AGBL4: variants seen among roughly 807,000 people sequenced by gnomAD.
The protein encoded by AGBL4 is AGBL carboxypeptidase 4, also known as cytosolic carboxypeptidase 6.
A neutral mutation model predicts 66.4 loss-of-function variants in AGBL4; 58 were observed. The observed-to-expected ratio is 0.87, with a 90% confidence interval of 0.71 to 1.09. The LOEUF is 1.09. Among genes scored for constraint, AGBL4 ranks in the 50% least tolerant of loss-of-function variants. The pLI is 0.00. For missense variants in AGBL4, 579 were observed against 631.0 expected (o/e 0.92, Z 0.88); for synonymous variants, 234 against 222.9 (o/e 1.05, Z -0.44).
chr1:49,276,008 A>G (rs767464683), intron 3 of AGBL4, among the ~76,000 whole-genome samples: 10 of 152,136 alleles, frequency 6.6e-5, no homozygotes, highest in Non-Finnish European at 1.3e-4. Flanking sequence ...AAGATATTTC[A>G]AAGTCAAATC....
At chr1:49,977,688 C>T (rs529369356) in intron 1 of AGBL4, among the ~76,000 whole-genome samples, 3 of 152,174 alleles carry the variant, frequency 2.0e-5, no homozygotes, top group South Asian at 4.1e-4. Flanking sequence ...ATTATTTGTG[C>T]TACATTTATT....
intron 3 of AGBL4, among the ~76,000 whole-genome samples, chr1:49,364,431 A>G (rs1263665141): frequency 2.0e-5 from 3 of 152,114 alleles, no homozygotes; most frequent in African/African-American, 7.2e-5. Flanking sequence ...ATGTACCAAC[A>G]AGTACTTTAA....
rs548816878 is a variant in AGBL4 at position 49,213,356 on chromosome 1, A to G, written c.377+32414T>C. On this transcript the variant is annotated intron_variant, in intron 4 of 13. Coordinates refer to ENST00000371839, the MANE Select transcript of AGBL4 (RefSeq NM_032785.4). ...TACATGCCTGCCAAATCTTGTGGTG[A>G]ATTATAATCCTCAGTGTTGGAGGTG... Among the ~76,000 whole-genome samples, 19 of 152,172 alleles carry G rather than the reference A, an allele frequency of 1.2e-4. 1 individual carries two copies. Among genetic ancestry groups the G allele is most frequent in the South Asian group, 4.1e-4 (2 of 4,826 alleles).
intron 5 of AGBL4, among the ~76,000 whole-genome samples, chr1:48,914,825 G>A (rs922878129): frequency 6.6e-6 from 1 of 152,156 alleles, no homozygotes; most frequent in African/African-American, 2.4e-5. Context: ...GACACATAAG[G>A]AAGAGGAAGA....
chr1:49,641,148 C>G (rs1017205409), intron 3 of AGBL4, among the ~76,000 whole-genome samples: 1 of 152,094 alleles, frequency 6.6e-6, no homozygotes, highest in African/African-American at 2.4e-5. Flanking sequence ...ATGCAAATAA[C>G]TTCCTTCTTT....
intron 3 of AGBL4, among the ~76,000 whole-genome samples, chr1:49,573,349 C>A (rs1253612285): frequency 6.6e-6 from 1 of 152,024 alleles, no homozygotes; most frequent in Non-Finnish European, 1.5e-5. Flanking sequence ...AATGCTAGGA[C>A]TCTACTTCTA....
intron 6 of AGBL4, among the ~76,000 whole-genome samples, chr1:48,734,034 C>T (rs946399123): frequency 6.6e-5 from 10 of 152,166 alleles, no homozygotes; most frequent in Admixed American, 2.0e-4. Flanking sequence ...AATTAGAGGT[C>T]GGTCACCTAC....
At chr1:49,704,195 A>G (rs1289952763) in intron 2 of AGBL4, among the ~76,000 whole-genome samples, 2 of 152,090 alleles carry the variant, frequency 1.3e-5, no homozygotes, top group East Asian at 3.9e-4. Flanking sequence ...GTACGCAAAA[A>G]TGTAATATAA....
At chr1:49,542,142 A>G (rs991125014) in intron 3 of AGBL4, among the ~76,000 whole-genome samples, 1 of 152,196 alleles carries the variant, frequency 6.6e-6, no homozygotes, top group Non-Finnish European at 1.5e-5. Context: ...AGCTCTCTGT[A>G]AAACAGACCA....
At chr1:49,152,613 A>G (rs1317256135) in intron 4 of AGBL4, among the ~76,000 whole-genome samples, 1 of 152,218 alleles carries the variant, frequency 6.6e-6, no homozygotes, top group Non-Finnish European at 1.5e-5. Context: ...TAGAAGAGGT[A>G]TTTAGCAGAT....
intron 11 of AGBL4, among the ~76,000 whole-genome samples, chr1:48,583,385 C>T (rs554314403): frequency 6.6e-5 from 10 of 152,290 alleles, no homozygotes; most frequent in African/African-American, 2.4e-4. Flanking sequence ...TTATTATGTC[C>T]TCCTGCTACA....
At chr1:49,701,625 A>C (rs988698932) in intron 2 of AGBL4, among the ~76,000 whole-genome samples, 4 of 152,096 alleles carry the variant, frequency 2.6e-5, no homozygotes, top group Non-Finnish European at 5.9e-5. Context: ...AATAAAGATA[A>C]TAATAAAGAC....
chr1:49,844,660 A>G (rs1646090100), intron 2 of AGBL4: 1 of 1,572,424 alleles, frequency 6.4e-7, no homozygotes, highest in Non-Finnish European at 8.6e-7. Context: ...AACAGAGATT[A>G]AGGGACATTT....
intron 5 of AGBL4, among the ~76,000 whole-genome samples, chr1:48,987,146 A>AAAAGAG (rs1167819338): frequency 1.3e-5 from 2 of 152,016 alleles, no homozygotes; most frequent in Non-Finnish European, 2.9e-5. Flanking sequence ...AGAAGGAAAA[A>AAAAGAG]AAAGAGAAAA....
At chr1:49,776,767 C>G (rs1644208751) in intron 2 of AGBL4, among the ~76,000 whole-genome samples, 1 of 152,082 alleles carries the variant, frequency 6.6e-6, no homozygotes, top group African/African-American at 2.4e-5. Context: ...GCACTTTTAT[C>G]ATGATTTTGT....
At chr1:49,881,213 T>C (rs528261744) in intron 1 of AGBL4, among the ~76,000 whole-genome samples, 128 of 152,188 alleles carry the variant, frequency 8.4e-4, no homozygotes, top group Non-Finnish European at 1.6e-3. Flanking sequence ...ACAAAGGACA[T>C]GAACTCATCA....
At chr1:48,976,033 G>T (rs768787196) in intron 5 of AGBL4, among the ~76,000 whole-genome samples, 7 of 152,116 alleles carry the variant, frequency 4.6e-5, no homozygotes, top group Non-Finnish European at 8.8e-5. Context: ...CTTATTAATA[G>T]CCTAATGGTT....
At chr1:49,066,186 CTTGGAGAATAAAT>C (rs1644488787) in intron 4 of AGBL4, among the ~76,000 whole-genome samples, 1 of 152,112 alleles carries the variant, frequency 6.6e-6, no homozygotes, top group African/African-American at 2.4e-5. Flanking sequence ...GTAGCAATGA[CTTGGAGAATAAAT>C]TTGGCAGTGG....
chr1:49,647,361 G>A (rs1469332700), intron 3 of AGBL4, among the ~76,000 whole-genome samples: 1 of 152,106 alleles, frequency 6.6e-6, no homozygotes, highest in Admixed American at 6.6e-5. Flanking sequence ...CCTCAAAGCT[G>A]AAGAAACAGA....
Sources: allele counts gnomAD v4.1 joint callset (sites outside exome capture counted in the v4.1 genomes callset), GRCh38; gene constraint gnomAD v4.1.1; transcripts MANE v1.5; gene names NCBI Gene and HGNC (gene_info 2026-07-23, HGNC 2026-07-21).